The following CBFA2T2 variants were observed in gnomAD, a reference collection of about 807,000 sequenced individuals.
The protein encoded by CBFA2T2 is protein CBFA2T2.
Under a neutral mutation model 62.2 loss-of-function variants are expected in CBFA2T2, and 11 were observed. That is an observed-to-expected ratio of 0.18 (90% CI 0.11 to 0.29). The LOEUF (loss-of-function observed/expected upper bound fraction) is 0.29. Ranked by LOEUF, CBFA2T2 falls within the 10% of genes least tolerant of loss-of-function variation. The probability of loss-of-function intolerance (pLI) is 1.00; values close to 1 mark genes in which losing one functional copy is unlikely to be tolerated. For missense variants in CBFA2T2, 592 were observed against 774.1 expected (o/e 0.76, Z 2.79); for synonymous variants, 295 against 287.5 (o/e 1.03, Z -0.27).
intron 3 of CBFA2T2, among the ~76,000 whole-genome samples, chr20:33,613,980 C>T (rs1018444958): frequency 6.6e-6 from 1 of 151,858 alleles, no homozygotes; most frequent in South Asian, 2.1e-4. Context: ...GTCAGGAGAT[C>T]GAGATCATCC....
At chr20:33,588,440 T>C (rs1373606423) in intron 1 of CBFA2T2, among the ~76,000 whole-genome samples, 2 of 151,656 alleles carry the variant, frequency 1.3e-5, no homozygotes, top group Non-Finnish European at 2.9e-5. Flanking sequence ...ATTAATATAA[T>C]ATATATGTTA....
chr20:33,526,770 A>G (rs2011900015), intron 1 of CBFA2T2, among the ~76,000 whole-genome samples: 1 of 152,202 alleles, frequency 6.6e-6, no homozygotes. Flanking sequence ...AGGGAAATAT[A>G]TATCTTAAGC....
intron 1 of CBFA2T2, among the ~76,000 whole-genome samples, chr20:33,575,559 G>A (rs1220961965): frequency 6.6e-6 from 1 of 152,056 alleles, no homozygotes; most frequent in African/African-American, 2.4e-5. Flanking sequence ...GTACTGTATT[G>A]CAGTTAGTTA....
rs1454166163 is a variant in CBFA2T2, at chr20:33,645,470, C to G, written c.*824C>G. 6.6e-6 allele frequency: 1 copy of G among 152,168 alleles called. No homozygotes were observed. The highest frequency in any genetic ancestry group is 1.5e-5 in the Non-Finnish European group (1 of 68,028). 9.4% of individuals were successfully genotyped at this position (152,168 alleles called of 1,614,324 possible). ...TCTGAGCATGTTGGCCAACTAGTAT[C>G]GTCAAATTATTGAGTGGATCATCTC... On this transcript the variant is annotated 3_prime_UTR_variant, in exon 11 of 11. Coordinates refer to ENST00000342704, the MANE Select transcript of CBFA2T2 (RefSeq NM_001032999.3).
intron 1 of CBFA2T2, among the ~76,000 whole-genome samples, chr20:33,496,824 C>CA (rs1484148446): frequency 1.3e-5 from 2 of 152,110 alleles, no homozygotes; most frequent in South Asian, 2.1e-4. Flanking sequence ...CTTTTTCACC[C>CA]TATCCTGTGC....
chr20:33,592,732 G>A (rs901017551), intron 1 of CBFA2T2, among the ~76,000 whole-genome samples: 2 of 151,886 alleles, frequency 1.3e-5, no homozygotes, highest in African/African-American at 4.8e-5. Flanking sequence ...CTTGACACTA[G>A]GGAGACTAAG....
At chr20:33,604,176 T>G (rs778198438) in intron 1 of CBFA2T2, among the ~76,000 whole-genome samples, 2 of 152,234 alleles carry the variant, frequency 1.3e-5, no homozygotes, top group Non-Finnish European at 2.9e-5. Context: ...AAAACAGATG[T>G]TAATATTAAC....
chr20:33,561,435 T>G (rs897124493), intron 1 of CBFA2T2, among the ~76,000 whole-genome samples: 2 of 152,242 alleles, frequency 1.3e-5, no homozygotes, highest in Non-Finnish European at 2.9e-5. Flanking sequence ...GAAGTTATAA[T>G]GAAAAATGTA....
chr20:33,498,475 A>C (rs761800926), intron 1 of CBFA2T2, among the ~76,000 whole-genome samples: 3 of 150,856 alleles, frequency 2.0e-5, no homozygotes, highest in Non-Finnish European at 3.0e-5. Flanking sequence ...CTGGTCTCGA[A>C]CTCCTGACCT....
intron 1 of CBFA2T2, among the ~76,000 whole-genome samples, chr20:33,585,638 T>C (rs1161122815): frequency 6.6e-6 from 1 of 152,224 alleles, no homozygotes; most frequent in African/African-American, 2.4e-5. Context: ...ATGAACATTT[T>C]TCTAGCAGAG....
chr20:33,514,163 A>G (rs1227933375), intron 1 of CBFA2T2, among the ~76,000 whole-genome samples: 1 of 149,024 alleles, frequency 6.7e-6, no homozygotes, highest in Non-Finnish European at 1.5e-5. Flanking sequence ...TTGGCCTCCC[A>G]AAGTGCTAAG....
chr20:33,617,840 C>G (rs1047205039), intron 3 of CBFA2T2, among the ~76,000 whole-genome samples: 3 of 152,100 alleles, frequency 2.0e-5, no homozygotes, highest in African/African-American at 4.8e-5. Context: ...GGACATACCC[C>G]TTTTCCCTGA....
chr20:33,628,884 G>T (rs1195801753), intron 7 of CBFA2T2, among the ~76,000 whole-genome samples: 1 of 152,210 alleles, frequency 6.6e-6, no homozygotes, highest in Non-Finnish European at 1.5e-5. Flanking sequence ...CTCAGCTGAG[G>T]AATTACAGAG....
chr20:33,645,218 A>G lies in CBFA2T2; in HGVS notation c.*572A>G, dbSNP rs1272335908. On this transcript the variant is annotated 3_prime_UTR_variant, in exon 11 of 11. Transcript: ENST00000342704. ...TTGATAAGATCTCAGAGTCCACAGG[A>G]AAGAAGTCACTGTTGCAATAAAAGC... The G allele has an allele frequency of 6.6e-6, 1 of 152,416 alleles. No homozygotes were observed. The highest frequency in any genetic ancestry group is 2.4e-5 in the African/African-American group (1 of 41,462). 9.4% of individuals were successfully genotyped at this position (152,416 alleles called of 1,614,324 possible).
rs192347886 is a variant in CBFA2T2 at position 33,592,528 on chromosome 20, T to C, written c.35-14428T>C. On this transcript the variant is annotated intron_variant, in intron 1 of 10. Transcript: ENST00000342704. ...AGTTGTAAAAAGGTTACATTTACTCTAATTCTAGGCCACAGACTATTCAGT... is the reference window on the plus strand; with the variant it reads ...AGTTGTAAAAAGGTTACATTTACTCCAATTCTAGGCCACAGACTATTCAGT... Among the ~76,000 whole-genome samples, 6 of 151,900 alleles carry C rather than the reference T, an allele frequency of 3.9e-5. No homozygotes were observed. The East Asian group carries it at 1.2e-3, about 29-fold the overall frequency.
chr20:33,554,255 CTTT>C (rs760696196), intron 1 of CBFA2T2, among the ~76,000 whole-genome samples: 3 of 131,978 alleles, frequency 2.3e-5, no homozygotes, highest in Admixed American at 7.6e-5. Flanking sequence ...TTACTTTTTT[CTTT>C]TTTTTTTTTT....
At chr20:33,534,513 A>G (rs2012148624) in intron 1 of CBFA2T2, among the ~76,000 whole-genome samples, 1 of 151,918 alleles carries the variant, frequency 6.6e-6, no homozygotes, top group Admixed American at 6.6e-5. Flanking sequence ...AGGTTTCACC[A>G]TGTTGGCCAG....
rs752250066 is a variant in CBFA2T2 at position 33,624,888 on chromosome 20, G to A, written c.817G>A (p.Gly273Ser). 11 of 1,613,810 alleles carry A rather than the reference G, an allele frequency of 6.8e-6. No homozygotes were observed. Among genetic ancestry groups the A allele is most frequent in the Admixed American group, 1.7e-5 (1 of 59,968 alleles). The change falls in exon 6 of 11, where the codon GGC becomes AGC. Residue 273 changes from glycine (G) to serine (S), a missense_variant. Transcript: ENST00000342704. ...ALTVPLMNPG[G>S]QFHPTPPPLQ... The stretch of plus-strand genomic sequence containing the variant: ...CACTGTGCCCCTCATGAATCCCGGG[G>A]GCCAATTCCATCCTACCCCTCCACC...
At chr20:33,511,309 T>G (rs1186831068) in intron 1 of CBFA2T2, among the ~76,000 whole-genome samples, 1 of 152,208 alleles carries the variant, frequency 6.6e-6, no homozygotes, top group East Asian at 1.9e-4. Context: ...AATTAATTTT[T>G]GTATAAGGTG....
Sources: gnomAD v4.1 joint callset for allele counts (sites outside exome capture counted in the v4.1 genomes callset) on GRCh38, gnomAD v4.1.1 for gene constraint, MANE v1.5 for transcripts, NCBI Gene and HGNC (gene_info 2026-07-23, HGNC 2026-07-21) for gene names.